MASP2: variants seen among roughly 807,000 people sequenced by gnomAD.
MASP2 encodes the protein mannan-binding lectin serine protease 2.
MASP2 carries 49 observed loss-of-function variants against 57.1 expected under a neutral mutation model. That is an observed-to-expected ratio of 0.86 (90% CI 0.68 to 1.09). The LOEUF is 1.09. Ranked by LOEUF, MASP2 falls within the 50% of genes least tolerant of loss-of-function variation. The pLI, the probability that MASP2 is intolerant of heterozygous loss-of-function variation, is 0.00. For missense variants in MASP2, 900 were observed against 874.8 expected, an observed-to-expected ratio of 1.03 and a Z score of -0.36; for synonymous variants, 379 against 340.8, an observed-to-expected ratio of 1.11 and a Z score of -1.24.
At chr1:11,044,154 G>A (rs1294927610) in intron 4 of MASP2, among the ~76,000 whole-genome samples, 3 of 152,200 alleles carry the variant, frequency 2.0e-5, no homozygotes, top group African/African-American at 7.2e-5. Flanking sequence ...CGGAAGAAGG[G>A]TCTCTCATCA....
At position 11,042,966 on chromosome 1, in the gene MASP2, C is replaced by G. The variant is rs1226262696; in HGVS notation, c.798G>C (p.Arg266Ser). The G allele has an allele frequency of 1.9e-6, 3 of 1,614,002 alleles. No homozygotes were observed. Among genetic ancestry groups the G allele is most frequent in the Non-Finnish European group, 1.7e-6 (2 of 1,179,904 alleles). The change falls in exon 6 of 11, where the codon AGG becomes AGC. Residue 266 changes from arginine (R) to serine (S), a missense_variant. Coordinates refer to ENST00000400897, the MANE Select transcript of MASP2 (RefSeq NM_006610.4). ...TCACCGTGTTGCTTTTTGTTTCAAT[C>G]CTGTGGGGCAATGTCTTCCCACAGA... ...GPFCGKTLPH[R>S]IETKSNTVTI...
At position 11,026,894 on chromosome 1, in the gene MASP2, A is replaced by G; in HGVS notation, c.2052T>C (p.Ser684=). Residue 684 remains serine, a synonymous_variant, in exon 11 of 11, where the codon AGT becomes AGC. Transcript: ENST00000400897. The stretch of plus-strand genomic sequence containing the variant: ...ACTGCAGACACGCAAGTTAAAAATC[A>G]CTAATTATGTTCTCGATCCAGGGAA... ...NYIPWIENII[S]DF 6.8e-7 allele frequency: 1 copy of G among 1,478,448 alleles called. No homozygotes were observed. Among genetic ancestry groups the G allele is most frequent in the East Asian group, 2.4e-5 (1 of 41,152 alleles). 91.6% of individuals were successfully genotyped at this position (1,478,448 alleles called of 1,614,324 possible).
At chr1:11,044,422 C>T (rs1183847405) in intron 4 of MASP2, among the ~76,000 whole-genome samples, 1 of 152,212 alleles carries the variant, frequency 6.6e-6, no homozygotes, top group African/African-American at 2.4e-5. Context: ...ACATTGCCTG[C>T]CTTCTTCCAC....
chr1:11,043,926 G>T (rs1247595013), intron 4 of MASP2, among the ~76,000 whole-genome samples: 1 of 146,118 alleles, frequency 6.8e-6, no homozygotes, highest in Non-Finnish European at 1.5e-5. Flanking sequence ...GGGGGCGGGG[G>T]TGGATGGACA....
intron 6 of MASP2, among the ~76,000 whole-genome samples, chr1:11,039,696 G>A (rs1178570544): frequency 2.0e-5 from 3 of 151,766 alleles, no homozygotes; most frequent in Non-Finnish European, 4.4e-5. Flanking sequence ...GGATTGGTAG[G>A]TAGAAGGATG....
intron 7 of MASP2, 43 bp from the exon 8 acceptor site, chr1:11,034,949 A>G: frequency 2.9e-6 from 4 of 1,367,920 alleles, no homozygotes; most frequent in Non-Finnish European, 4.1e-6. Context: ...TGTTTATATC[A>G]TAAAATCACT....
intron 7 of MASP2, among the ~76,000 whole-genome samples, 190 bp downstream of exon 7, chr1:11,037,503 C>G (rs1638281227): frequency 6.6e-6 from 1 of 152,186 alleles, no homozygotes; most frequent in Non-Finnish European, 1.5e-5. Flanking sequence ...GATTCAGAAT[C>G]ACATTTTCCA....
chr1:11,031,659 G>C (rs560990826), intron 8 of MASP2, among the ~76,000 whole-genome samples: 14 of 152,132 alleles, frequency 9.2e-5, no homozygotes, highest in Admixed American at 3.3e-4. Flanking sequence ...AGCTGGGCTC[G>C]GTGGTTCAAA....
At chr1:11,031,653 G>A (rs959598820) in intron 8 of MASP2, among the ~76,000 whole-genome samples, 1 of 152,056 alleles carries the variant, frequency 6.6e-6, no homozygotes, top group Non-Finnish European at 1.5e-5. Context: ...TGGAGGAGCT[G>A]GGCTCGGTGG....
intron 6 of MASP2, among the ~76,000 whole-genome samples, chr1:11,039,956 G>A (rs909198021): frequency 2.0e-5 from 3 of 150,760 alleles, no homozygotes; most frequent in Non-Finnish European, 4.4e-5. Context: ...TGTAAGAATG[G>A]GCGGATGGGT....
Position 11,044,681 on chromosome 1 carries a change from C to G in MASP2, c.544+727G>C, listed in dbSNP as rs1043323088. ...GGGGGTGAGGCCAAGGAGCCTGTGG[C>G]CCCATGGAGGAGGCTCCCACAGACC... On this transcript the variant is annotated intron_variant, in intron 4 of 10. Coordinates refer to ENST00000400897, the MANE Select transcript of MASP2 (RefSeq NM_006610.4). The G allele has an allele frequency of 1.7e-5, 16 of 957,688 alleles. No homozygotes were observed. The Admixed American group carries it at 4.6e-4, about 27-fold the overall frequency. The allele number at this position is 957,688 out of a possible 1,614,324, so 59.3% of individuals were successfully genotyped here.
intron 8 of MASP2, among the ~76,000 whole-genome samples, chr1:11,032,159 C>T (rs1226877000): frequency 6.6e-6 from 1 of 151,948 alleles, no homozygotes; most frequent in Non-Finnish European, 1.5e-5. Flanking sequence ...TCACTTGAGC[C>T]CGGGAGTTTG....
chr1:11,044,774 A>ACCCC, intron 4 of MASP2: 4 of 1,124,414 alleles, frequency 3.6e-6, no homozygotes, highest in African/African-American at 1.6e-5. Flanking sequence ...CGACCCTCCC[A>ACCCC]CCCCAGAGAC....
chr1:11,036,232 C>T (rs113578695), intron 7 of MASP2, among the ~76,000 whole-genome samples: 2,645 of 152,218 alleles, frequency 0.017, 70 homozygotes, highest in African/African-American at 0.056. Context: ...TCGCCGGGCG[C>T]GGTGGCTCAC....
chr1:11,045,740 C>T, intron 3 of MASP2: 1 of 594,914 alleles, frequency 1.7e-6, no homozygotes, highest in Non-Finnish European at 3.0e-6. Flanking sequence ...GAGAAAGATG[C>T]AAACATCACC....
intron 9 of MASP2, 91 bp downstream of exon 9, chr1:11,030,657 T>C (rs1643828289): frequency 1.4e-6 from 2 of 1,419,584 alleles, no homozygotes. Flanking sequence ...TGTCTAGCCT[T>C]AGCCAAAAAT....
intron 8 of MASP2, among the ~76,000 whole-genome samples, chr1:11,032,920 A>C (rs1313097877): frequency 6.6e-6 from 1 of 152,198 alleles, no homozygotes; most frequent in East Asian, 1.9e-4. Flanking sequence ...AAAAATAAAT[A>C]AATATTAAAA....
chr1:11,045,683 A>G, intron 3 of MASP2, 144 bp from the exon 4 acceptor site: 1 of 876,694 alleles, frequency 1.1e-6, no homozygotes, highest in Non-Finnish European at 1.7e-6. Flanking sequence ...GTGCCGGGCC[A>G]ATCACCTTAC....
Position 11,028,697 on chromosome 1 carries a change from G to GTTTTTTT in MASP2, c.1298-1056_1298-1050dup, listed in dbSNP as rs1208974169. 1.4e-3 allele frequency among the ~76,000 whole-genome samples: 51 copies of GTTTTTTT among 36,146 alleles called. 2 individuals carry two copies. Among genetic ancestry groups the GTTTTTTT allele is most frequent in the African/African-American group, 6.0e-3 (46 of 7,644 alleles). 23.7% of individuals were successfully genotyped at this position (36,146 alleles called of 152,430 possible). A position where few individuals can be genotyped will look rare whatever the true frequency, so the allele number is the denominator to read the frequency against. On this transcript the variant is annotated intron_variant, in intron 10 of 10. Transcript: ENST00000400897. The stretch of plus-strand genomic sequence containing the variant: ...AATTAATATATTACTATCTTTCTGG[G>GTTTTTTT]TTTTTTTTCTTTTTTTTTTTTTTTT...
Sources: allele counts gnomAD v4.1 joint callset (sites outside exome capture counted in the v4.1 genomes callset), GRCh38; gene constraint gnomAD v4.1.1; transcripts MANE v1.5; gene names NCBI Gene and HGNC (gene_info 2026-07-23, HGNC 2026-07-21).